Variants in XPO6 observed in about 807,000 individuals in gnomAD.
XPO6 encodes exportin 6, also known as exportin-6.
A neutral mutation model predicts 130.0 loss-of-function variants in XPO6; 3 were observed. That is an observed-to-expected ratio of 0.02 (90% confidence interval 0.01 to 0.06). The LOEUF (loss-of-function observed/expected upper bound fraction) is 0.06, where lower values mean the gene tolerates loss of function less well. Ranked by LOEUF, XPO6 falls within the 10% of genes least tolerant of loss-of-function variation. XPO6 has a pLI of 1.00. For missense variants in XPO6, 970 were observed against 1,393.0 expected, an observed-to-expected ratio of 0.70 and a Z score of 4.83; for synonymous variants, 524 against 548.9, an observed-to-expected ratio of 0.95 and a Z score of 0.63.
intron 21 of XPO6, among the ~76,000 whole-genome samples, chr16:28,103,298 C>T (rs1314706126): frequency 2.0e-5 from 3 of 152,194 alleles, no homozygotes; most frequent in Admixed American, 6.5e-5. Flanking sequence ...TGAAACTCAT[C>T]TATGCTGCTG....
intron 6 of XPO6, among the ~76,000 whole-genome samples, chr16:28,157,596 T>C (rs2043203922): frequency 6.6e-6 from 1 of 152,216 alleles, no homozygotes; most frequent in African/African-American, 2.4e-5. Context: ...AATCTATTTT[T>C]AAAATGCTAC....
At chr16:28,165,206 G>A (rs2043338067) in intron 6 of XPO6, 1 of 152,298 alleles carries the variant, frequency 6.6e-6, no homozygotes, top group Admixed American at 6.5e-5. Context: ...GACAGAAGGA[G>A]ACCTTGTCTC....
chr16:28,101,685 T>C lies in XPO6; in HGVS notation c.3049A>G (p.Ile1017Val). ...NTKQKLYHKK[I>V]FRTAMLFQFV... The stretch of plus-strand genomic sequence containing the variant: ...TGGAACAGCATGGCAGTCCGGAAGA[T>C]CTTCTGCAGGCAGAGAGACCAGGTG... Residue 1017 changes from isoleucine to valine, a missense_variant, in exon 23 of 24, where the codon ATC becomes GTC. Ile to Val is a conservative substitution (Grantham distance 29). This residue lies in a region of XPO6 where 936 missense variants were observed against 1,306.8 expected (regional missense o/e 0.72). Coordinates refer to ENST00000304658, the MANE Select transcript of XPO6 (RefSeq NM_015171.4). This position sits in a 1 kb window ranked among gnomAD's most constrained non-coding sequence, Gnocchi z 5.4. 2 of 1,605,672 alleles carry C rather than the reference T, an allele frequency of 1.2e-6. No homozygotes were observed. Among genetic ancestry groups the C allele is most frequent in the Non-Finnish European group, 1.7e-6 (2 of 1,173,360 alleles).
intron 1 of XPO6, among the ~76,000 whole-genome samples, chr16:28,209,866 C>T (rs1201689734): frequency 1.3e-5 from 2 of 151,938 alleles, no homozygotes; most frequent in Non-Finnish European, 2.9e-5. Flanking sequence ...CAGCTGTGCA[C>T]GGTGGCTCAC....
At chr16:28,113,961 T>C (rs1027176660) in intron 15 of XPO6, among the ~76,000 whole-genome samples, 1 of 152,166 alleles carries the variant, frequency 6.6e-6, no homozygotes, top group South Asian at 2.1e-4. Flanking sequence ...TAAAAATGTA[T>C]AAAATGTTAT....
chr16:28,141,924 C>T (rs1164478364), intron 9 of XPO6, among the ~76,000 whole-genome samples: 4 of 152,248 alleles, frequency 2.6e-5, no homozygotes, highest in African/African-American at 4.8e-5. Flanking sequence ...CGCGCCACTG[C>T]GCTCCTGACC....
At chr16:28,104,378 C>T (rs544483825) in intron 21 of XPO6, among the ~76,000 whole-genome samples, 168 bp downstream of exon 21, 1 of 152,292 alleles carries the variant, frequency 6.6e-6, no homozygotes, top group East Asian at 1.9e-4. Context: ...AACATTAGCT[C>T]CACTTTGCAG....
intron 1 of XPO6, among the ~76,000 whole-genome samples, chr16:28,182,517 C>T (rs1241855772): frequency 6.6e-6 from 1 of 152,150 alleles, no homozygotes. Flanking sequence ...TTGTACAATA[C>T]TTTGAGCGCT....
intron 20 of XPO6, 141 bp from the exon 21 acceptor site, chr16:28,104,848 C>T (rs748535200): frequency 1.1e-5 from 10 of 928,806 alleles, no homozygotes; most frequent in African/African-American, 1.7e-5. Context: ...TCACTACCTG[C>T]GCAAAAGACA....
chr16:28,133,338 C>T (rs1321198466), intron 11 of XPO6, among the ~76,000 whole-genome samples: 1 of 141,888 alleles, frequency 7.0e-6, no homozygotes, highest in African/African-American at 2.6e-5. Flanking sequence ...GACTCCGTCT[C>T]AAAAAAAAAA....
chr16:28,211,006 A>T (rs573999445), intron 1 of XPO6, among the ~76,000 whole-genome samples: 4 of 152,200 alleles, frequency 2.6e-5, no homozygotes, highest in Admixed American at 6.5e-5. Context: ...TTCCGAACAG[A>T]GGGCTGGTGT....
At position 28,107,695 on chromosome 16, in the gene XPO6, T is replaced by G. The variant is rs770078721; in HGVS notation, c.2342-18A>C. ...CAGTTTGGCTGCAAATCAAGATGAG[T>G]TGCAGGTTATAAGCTGTCTGGGGAG... is the stretch of plus-strand genomic sequence containing the variant. On this transcript the variant is annotated intron_variant, in intron 17 of 23. Transcript: ENST00000304658. The G allele has an allele frequency of 6.2e-7, 1 of 1,612,044 alleles. No individual in the cohort carries two copies. The highest frequency in any genetic ancestry group is 8.5e-7 in the Non-Finnish European group (1 of 1,179,562).
chr16:28,197,882 G>A (rs1458605259), intron 1 of XPO6, among the ~76,000 whole-genome samples: 4 of 121,110 alleles, frequency 3.3e-5, no homozygotes, highest in Non-Finnish European at 3.2e-5. Context: ...TCACGCCACC[G>A]CACTCCAGCC....
intron 2 of XPO6, among the ~76,000 whole-genome samples, chr16:28,180,703 T>C (rs1356759778): frequency 6.6e-6 from 1 of 151,870 alleles, no homozygotes; most frequent in East Asian, 1.9e-4. Flanking sequence ...AGTCGCAGGC[T>C]TCTTATATGA....
intron 15 of XPO6, among the ~76,000 whole-genome samples, chr16:28,116,652 C>CT (rs2087067280): frequency 6.6e-6 from 1 of 152,042 alleles, no homozygotes; most frequent in African/African-American, 2.4e-5. Flanking sequence ...ATAGGGAGGC[C>CT]TAAAGACAGG....
At chr16:28,201,025 T>C (rs894110896) in intron 1 of XPO6, among the ~76,000 whole-genome samples, 6 of 151,980 alleles carry the variant, frequency 3.9e-5, no homozygotes, top group Non-Finnish European at 1.5e-5. Flanking sequence ...TTGGTTAAGA[T>C]CCACAAAGAC....
At chr16:28,128,177 A>C (rs1395976713) in intron 12 of XPO6, among the ~76,000 whole-genome samples, 1 of 152,190 alleles carries the variant, frequency 6.6e-6, no homozygotes, top group Non-Finnish European at 1.5e-5. Flanking sequence ...TTTCAAGGTT[A>C]TATCTATGCA....
At position 28,186,374 on chromosome 16, in the gene XPO6, C is replaced by CTTTTTTTTTTTTTTTTTTTTTT. The variant is rs60754642; in HGVS notation, c.4-5344_4-5343insAAAAAAAAAAAAAAAAAAAAAA. Reference sequence around the variant, plus strand: ...TATAGATTTTTCTGCCCCAGTTATTCTTTTTTTTTTTTTTTTTGCTAAAGA... The same window carrying CTTTTTTTTTTTTTTTTTTTTTT: ...TATAGATTTTTCTGCCCCAGTTATTCTTTTTTTTTTTTTTTTTTTTTTTTTTTTTTTTTTTTTTTGCTAAAGA... On this transcript the variant is annotated intron_variant, in intron 1 of 23. Transcript: ENST00000304658. Among the ~76,000 whole-genome samples, 223 of 81,422 alleles carry CTTTTTTTTTTTTTTTTTTTTTT rather than the reference C, an allele frequency of 2.7e-3. 53 individuals carry two copies. The highest frequency in any genetic ancestry group is 6.8e-3 in the African/African-American group (104 of 15,254). The allele number at this position is 81,422 out of a possible 152,430, so 53.4% of individuals were successfully genotyped here.
chr16:28,205,775 C>T (rs937911959), intron 1 of XPO6, among the ~76,000 whole-genome samples: 3 of 152,096 alleles, frequency 2.0e-5, no homozygotes, highest in African/African-American at 7.2e-5. Context: ...TGGTGGTTCA[C>T]GCCTGTAATC....
Sources: allele counts gnomAD v4.1 joint callset (sites outside exome capture counted in the v4.1 genomes callset), GRCh38; gene constraint gnomAD v4.1.1; regional missense constraint gnomAD v4.1.1; non-coding constraint Gnocchi (gnomAD v3.1); transcripts MANE v1.5; gene names NCBI Gene and HGNC (gene_info 2026-07-23, HGNC 2026-07-21).